ACSM3: variants seen among roughly 807,000 people sequenced by gnomAD.
ACSM3 encodes the protein acyl-CoA synthetase medium chain family member 3, also known as acyl-coenzyme A synthetase ACSM3, mitochondrial.
In ACSM3, 61 loss-of-function variants were observed where a neutral mutation model predicts 74.1. That is an observed-to-expected ratio of 0.82 (90% CI 0.67 to 1.02). The LOEUF is 1.02. Ranked by LOEUF, ACSM3 falls within the 50% of genes least tolerant of loss-of-function variation. The pLI, the probability that ACSM3 is intolerant of heterozygous loss-of-function variation, is 0.00. For missense variants in ACSM3, 660 were observed against 697.0 expected (o/e 0.95, Z 0.60); for synonymous variants, 213 against 241.5 (o/e 0.88, Z 1.09).
chr16:20,742,792 A>AATATATAT (rs1216173827), intron 1 of ACSM3, among the ~76,000 whole-genome samples: 377 of 136,388 alleles, frequency 2.8e-3, no homozygotes, highest in Middle Eastern at 3.8e-3. Context: ...GGTGCGTGTA[A>AATATATAT]ATATATATAT....
chr16:20,741,203 C>A (rs1161276364), intron 1 of ACSM3, among the ~76,000 whole-genome samples: 1 of 152,192 alleles, frequency 6.6e-6, no homozygotes, highest in African/African-American at 2.4e-5. Flanking sequence ...TATCATCACG[C>A]CACTGCACTC....
chr16:20,776,489 A>G (rs2080257409), intron 3 of ACSM3, among the ~76,000 whole-genome samples: 1 of 152,162 alleles, frequency 6.6e-6, no homozygotes, highest in Non-Finnish European at 1.5e-5. Flanking sequence ...AATGCTTTCC[A>G]TCCCTGTCTT....
At chr16:20,697,556 TACAC>T (rs57633278) in intron 1 of ACSM3, 19,762 of 139,306 alleles carry the variant, frequency 0.14, 1,428 homozygotes, top group African/African-American at 0.18. Context: ...AAAATTGGAT[TACAC>T]ACACACACAC....
intron 1 of ACSM3, among the ~76,000 whole-genome samples, chr16:20,717,342 C>A (rs1351034177): frequency 6.6e-6 from 1 of 152,150 alleles, no homozygotes; most frequent in African/African-American, 2.4e-5. Context: ...AATCAAGCTC[C>A]CCCAGGAGCT....
chr16:20,675,818 A>G (rs2020242644), intron 1 of ACSM3, among the ~76,000 whole-genome samples: 2 of 152,206 alleles, frequency 1.3e-5, no homozygotes, highest in South Asian at 2.1e-4. Flanking sequence ...CTAGCAGTTT[A>G]TTGTAGAACG....
At chr16:20,721,880 T>C (rs1024484978) in intron 1 of ACSM3, 1 of 152,228 alleles carries the variant, frequency 6.6e-6, no homozygotes, top group Admixed American at 6.5e-5. Context: ...AAAGAGGTTG[T>C]TGGCAGTAAC....
intron 1 of ACSM3, among the ~76,000 whole-genome samples, chr16:20,713,267 C>T (rs1189955055): frequency 6.6e-6 from 1 of 152,080 alleles, no homozygotes; most frequent in Non-Finnish European, 1.5e-5. Context: ...ATAAATATTA[C>T]AGTAATTATA....
rs777345053 is a variant in ACSM3, at chr16:20,777,416, C to T, written c.474C>T (p.Asp158=). The T allele has an allele frequency of 6.2e-7, 1 of 1,614,084 alleles. No homozygotes were observed. The highest frequency in any genetic ancestry group is 8.5e-7 in the Non-Finnish European group (1 of 1,179,980). ...GAACCACTCAGCTGACCCAGAAAGA[C>T]ATTCTCTACAGACTACAATCTTCAA... The part of the protein sequence containing the change: ...IPGTTQLTQK[D]ILYRLQSSKA... Residue 158 remains aspartate (D), a synonymous_variant, in exon 4 of 14, where the codon GAC becomes GAT. Transcript: ENST00000289416.
chr16:20,691,658 C>T (rs2079653236), intron 1 of ACSM3, among the ~76,000 whole-genome samples: 1 of 151,942 alleles, frequency 6.6e-6, no homozygotes, highest in African/African-American at 2.4e-5. Flanking sequence ...TTTATATGAT[C>T]CCATCCCATG....
intron 1 of ACSM3, among the ~76,000 whole-genome samples, chr16:20,704,263 T>C (rs2079721051): frequency 6.6e-6 from 1 of 152,216 alleles, no homozygotes; most frequent in Non-Finnish European, 1.5e-5. Flanking sequence ...TCATGTAATC[T>C]AAAACCTTAT....
chr16:20,746,549 G>C (rs1252765583), intron 1 of ACSM3, among the ~76,000 whole-genome samples: 1 of 152,192 alleles, frequency 6.6e-6, no homozygotes, highest in African/African-American at 2.4e-5. Flanking sequence ...CTGCCAGCTG[G>C]TTTCTGCCTC....
chr16:20,754,403 C>T (rs912032779), intron 2 of ACSM3, among the ~76,000 whole-genome samples: 1 of 152,136 alleles, frequency 6.6e-6, no homozygotes, highest in African/African-American at 2.4e-5. Context: ...CAAACTGAAG[C>T]CTAACTCAGA....
At chr16:20,769,228 C>A (rs1433607072) in intron 1 of ACSM3, among the ~76,000 whole-genome samples, 1 of 152,124 alleles carries the variant, frequency 6.6e-6, no homozygotes, top group Non-Finnish European at 1.5e-5. Flanking sequence ...CACTCATAAT[C>A]CCTAGAACTG....
chr16:20,734,999 T>C (rs8044864), intron 1 of ACSM3: 73,008 of 152,036 alleles, frequency 0.48, 18,589 homozygotes, highest in Non-Finnish European at 0.58. Flanking sequence ...TAGAACAAGA[T>C]TTGAGAGTTG....
At chr16:20,746,148 A>G (rs739810) in intron 1 of ACSM3, among the ~76,000 whole-genome samples, 73,012 of 152,052 alleles carry the variant, frequency 0.48, 18,585 homozygotes, top group Non-Finnish European at 0.58. Flanking sequence ...AATGGAAATA[A>G]TAATACTCAC....
At chr16:20,715,637 C>T (rs1442644018) in intron 1 of ACSM3, among the ~76,000 whole-genome samples, 1 of 151,896 alleles carries the variant, frequency 6.6e-6, no homozygotes, top group Non-Finnish European at 1.5e-5. Context: ...AAAAAATCCT[C>T]ACTGTTTTTA....
chr16:20,696,358 T>A (rs1420210619), intron 1 of ACSM3, among the ~76,000 whole-genome samples: 1 of 152,236 alleles, frequency 6.6e-6, no homozygotes, highest in Non-Finnish European at 1.5e-5. Context: ...TTCACAAAGC[T>A]TAGTTTGTCT....
chr16:20,724,573 AAAG>A (rs1567324904), intron 1 of ACSM3, among the ~76,000 whole-genome samples: 1 of 152,216 alleles, frequency 6.6e-6, no homozygotes, highest in Non-Finnish European at 1.5e-5. Flanking sequence ...TCAATTAGGA[AAAG>A]AAGAAGTCAA....
intron 6 of ACSM3, among the ~76,000 whole-genome samples, 179 bp downstream of exon 6, chr16:20,781,309 C>T (rs1054144253): frequency 6.6e-6 from 1 of 152,204 alleles, no homozygotes; most frequent in Non-Finnish European, 1.5e-5. Context: ...TCCACAGGTT[C>T]TGCAGCCTCT....
Sources: allele counts gnomAD v4.1 joint callset (sites outside exome capture counted in the v4.1 genomes callset), GRCh38; gene constraint gnomAD v4.1.1; transcripts MANE v1.5; gene names NCBI Gene and HGNC (gene_info 2026-07-23, HGNC 2026-07-21).